CYP20A1: variants seen among roughly 807,000 people sequenced by gnomAD.
CYP20A1 encodes cytochrome P450 20A1.
In CYP20A1, 61 loss-of-function variants were observed where a neutral mutation model predicts 61.4. That is an observed-to-expected ratio of 0.99 (90% CI 0.81 to 1.23). The LOEUF is 1.23. CYP20A1 is among the 50% of genes most tolerant of loss of function. The pLI, the probability that CYP20A1 is intolerant of heterozygous loss-of-function variation, is 0.00. For missense variants in CYP20A1, 530 were observed against 542.4 expected (o/e 0.98, Z 0.23); for synonymous variants, 193 against 188.2 (o/e 1.03, Z -0.21).
chr2:203,255,781 A>T (rs2066872409), intron 4 of CYP20A1, among the ~76,000 whole-genome samples: 2 of 152,134 alleles, frequency 1.3e-5, no homozygotes, highest in Admixed American at 1.3e-4. Context: ...AAGTCTTCAG[A>T]TGTACCCTGT....
At chr2:203,295,901 A>T (rs947761077) in intron 11 of CYP20A1, among the ~76,000 whole-genome samples, 1 of 152,100 alleles carries the variant, frequency 6.6e-6, no homozygotes, top group African/African-American at 2.4e-5. Flanking sequence ...ATGAGCCGAG[A>T]TCACGCTACT....
chr2:203,244,636 C>CT (rs2066387384), intron 1 of CYP20A1, among the ~76,000 whole-genome samples: 1 of 151,462 alleles, frequency 6.6e-6, no homozygotes. Context: ...GAAAAATGTA[C>CT]TGGATATGTG....
Position 203,300,046 on chromosome 2 carries a change from C to T in CYP20A1, c.*3138C>T, listed in dbSNP as rs1291444065. 6.6e-6 allele frequency among the ~76,000 whole-genome samples: 1 copy of T among 152,060 alleles called. No individual in the cohort carries two copies. Among genetic ancestry groups the T allele is most frequent in the Admixed American group, 6.6e-5 (1 of 15,244 alleles). ...GCCAATTGATATGTAAACCAAGTGT[C>T]AGATCAGATGAGATGAAAGAGGTGG... On this transcript the variant is annotated 3_prime_UTR_variant, in exon 13 of 13. Coordinates refer to ENST00000356079, the MANE Select transcript of CYP20A1 (RefSeq NM_177538.3).
rs34020768 is a variant in CYP20A1, at chr2:203,251,793, GTA to G, written c.290-151_290-150del. ...TCAAAAGAAAACTATATATATATGT[GTA>G]TATATATATATATATATATATAAAA... On this transcript the variant is annotated intron_variant, in intron 3 of 12. Transcript: ENST00000356079. Among the ~76,000 whole-genome samples, 17 of 64,208 alleles carry G rather than the reference GTA, an allele frequency of 2.6e-4. 2 individuals are homozygous for G. Among genetic ancestry groups the G allele is most frequent in the Admixed American group, 1.6e-3 (8 of 5,122 alleles). 42.1% of individuals were successfully genotyped at this position (64,208 alleles called of 152,430 possible). A position where few individuals can be genotyped will look rare whatever the true frequency, so the allele number is the denominator to read the frequency against.
At chr2:203,275,323 G>A (rs778869784) in intron 6 of CYP20A1, among the ~76,000 whole-genome samples, 6 of 152,178 alleles carry the variant, frequency 3.9e-5, no homozygotes, top group African/African-American at 7.2e-5. Context: ...TTGACATGAC[G>A]TGTGACTTGT....
intron 4 of CYP20A1, among the ~76,000 whole-genome samples, chr2:203,253,290 C>T (rs943507697): frequency 1.3e-5 from 2 of 152,142 alleles, no homozygotes; most frequent in African/African-American, 2.4e-5. Context: ...TGGGTAGGGG[C>T]GCCAGGTCAG....
intron 8 of CYP20A1, among the ~76,000 whole-genome samples, chr2:203,281,875 A>G (rs1055387677): frequency 3.3e-5 from 5 of 152,128 alleles, no homozygotes; most frequent in African/African-American, 1.2e-4. Context: ...CACTTGAAGG[A>G]TTTCATTTAT....
In CYP20A1 at chr2:203,304,758, A is replaced by T. The variant is rs905559009; in HGVS notation, c.*7850A>T. On this transcript the variant is annotated 3_prime_UTR_variant, in exon 13 of 13. Transcript: ENST00000356079. ...TGAGACTAGCCTAGGCAACATGGCG[A>T]AACTGCATCTCTACAAAAAATACAA... Among the ~76,000 whole-genome samples, 5 of 152,148 alleles carry T rather than the reference A, an allele frequency of 3.3e-5. No homozygotes were observed. Among genetic ancestry groups the T allele is most frequent in the Non-Finnish European group, 7.3e-5 (5 of 68,044 alleles).
intron 10 of CYP20A1, among the ~76,000 whole-genome samples, chr2:203,291,927 T>C (rs1214114066): frequency 6.6e-6 from 1 of 152,048 alleles, no homozygotes; most frequent in Non-Finnish European, 1.5e-5. Context: ...GAACATGCGG[T>C]GTTTGGTTTT....
rs1175084713 is a variant in CYP20A1, at chr2:203,299,319, A to T, written c.*2411A>T. 6.6e-6 allele frequency among the ~76,000 whole-genome samples: 1 copy of T among 152,120 alleles called. No individual in the cohort carries two copies. The highest frequency in any genetic ancestry group is 2.4e-5 in the African/African-American group (1 of 41,428). On this transcript the variant is annotated 3_prime_UTR_variant, in exon 13 of 13. Transcript: ENST00000356079. ...TTTACTTTCAAGAATATACTCTGGTAGACTGAGGCGGGAGGATCACTTGAG... is the reference window on the plus strand; with the variant it reads ...TTTACTTTCAAGAATATACTCTGGTTGACTGAGGCGGGAGGATCACTTGAG...
chr2:203,294,532 A>C (rs770095601), intron 11 of CYP20A1, among the ~76,000 whole-genome samples: 110 of 151,934 alleles, frequency 7.2e-4, no homozygotes, highest in Non-Finnish European at 1.1e-3. Context: ...AAAAAATAAA[A>C]AATAAAATAA....
At chr2:203,263,360 G>C (rs1028369729) in intron 4 of CYP20A1, among the ~76,000 whole-genome samples, 2 of 150,524 alleles carry the variant, frequency 1.3e-5, no homozygotes, top group Non-Finnish European at 2.9e-5. Context: ...CGCGATCTCG[G>C]CTCACTGCAA....
In CYP20A1 at chr2:203,302,898, G is replaced by C. The variant is rs2069076600; in HGVS notation, c.*5990G>C. Among the ~76,000 whole-genome samples, 1 of 152,018 alleles carries C rather than the reference G, an allele frequency of 6.6e-6. No individual in the cohort carries two copies. Among genetic ancestry groups the C allele is most frequent in the Non-Finnish European group, 1.5e-5 (1 of 68,006 alleles). Reference sequence around the variant, plus strand: ...AGTAGAGATGGGGTTTTACCGTGTTGGTCAGGCTGGTCCTGAACTCTTGAC... The same window carrying C: ...AGTAGAGATGGGGTTTTACCGTGTTCGTCAGGCTGGTCCTGAACTCTTGAC... On this transcript the variant is annotated 3_prime_UTR_variant, in exon 13 of 13. Transcript: ENST00000356079.
Position 203,296,901 on chromosome 2 carries a change from GAT to G in CYP20A1, c.1385_1386del (p.Tyr462LeufsTer45). 6.4e-7 allele frequency: 1 copy of G among 1,554,696 alleles called. No homozygotes were observed. The highest frequency in any genetic ancestry group is 8.7e-7 in the Non-Finnish European group (1 of 1,150,868). On this transcript the variant is annotated frameshift_variant, in exon 13 of 13. Transcript: ENST00000356079. LOFTEE classifies it high-confidence loss of function. ...GAAGCTTGGATCACTGTCTCAAAGA[GAT>G]ATTAAAATTTTATACATTTAAAATC...
At chr2:203,251,222 A>C (rs1248045820) in intron 3 of CYP20A1, among the ~76,000 whole-genome samples, 1 of 151,236 alleles carries the variant, frequency 6.6e-6, no homozygotes, top group African/African-American at 2.4e-5. Context: ...ATAGTCATTA[A>C]AGAAACAAGA....
chr2:203,256,329 G>A (rs995257039), intron 4 of CYP20A1, among the ~76,000 whole-genome samples: 5 of 151,408 alleles, frequency 3.3e-5, no homozygotes, highest in African/African-American at 4.8e-5. Context: ...CACTTTTCCC[G>A]GTTTATAATT....
rs146068684 is a variant in CYP20A1 at position 203,285,645 on chromosome 2, C to T, written c.884C>T (p.Ser295Phe). Residue 295 changes from serine to phenylalanine, a missense_variant, in exon 9 of 13, where the codon TCT becomes TTT. Coordinates refer to ENST00000356079, the MANE Select transcript of CYP20A1 (RefSeq NM_177538.3). ...CTWAICFLTT[S>F]EEVQKKLYEE... ...TGGGCAATCTGTTTTTTAACCACCT[C>T]TGAAGAAGTTCAAAAAAAATTATAT... is the stretch of plus-strand genomic sequence containing the variant. 3.0e-5 allele frequency: 48 copies of T among 1,602,258 alleles called. No homozygotes were observed. In the African/African-American group the frequency reaches 5.8e-4, roughly 19 times the overall value.
At chr2:203,289,382 A>T (rs2068435936) in intron 9 of CYP20A1, among the ~76,000 whole-genome samples, 1 of 152,070 alleles carries the variant, frequency 6.6e-6, no homozygotes, top group South Asian at 2.1e-4. Context: ...ATGTTTCTCT[A>T]GTTAGGTTAT....
chr2:203,252,578 AG>A (rs1368531466), intron 4 of CYP20A1, among the ~76,000 whole-genome samples: 1 of 152,016 alleles, frequency 6.6e-6, no homozygotes, highest in Non-Finnish European at 1.5e-5. Context: ...TATTTTTAGT[AG>A]AGGCAGGGTT....
Sources: allele counts gnomAD v4.1 joint callset (sites outside exome capture counted in the v4.1 genomes callset), GRCh38; gene constraint gnomAD v4.1.1; transcripts MANE v1.5; gene names NCBI Gene and HGNC (gene_info 2026-07-23, HGNC 2026-07-21).